The following RBBP8 variants were observed in gnomAD, a reference collection of about 807,000 sequenced individuals.
RBBP8 encodes RB binding protein 8, endonuclease.
Under a neutral mutation model 108.3 loss-of-function variants are expected in RBBP8, and 88 were observed. The ratio of observed to expected loss-of-function variants is 0.81; its 90% CI spans 0.68 to 0.97. The LOEUF is 0.97. RBBP8 is among the 50% of genes least tolerant of loss of function. The probability of loss-of-function intolerance (pLI) is 0.00; values close to 1 mark genes in which losing one functional copy is unlikely to be tolerated. For missense variants in RBBP8, 1,023 were observed against 1,049.0 expected (o/e 0.98, Z 0.34); for synonymous variants, 332 against 348.2 (o/e 0.95, Z 0.52).
intron 1 of RBBP8, among the ~76,000 whole-genome samples, chr18:22,936,376 A>G (rs1004693155): frequency 2.6e-5 from 4 of 152,230 alleles, no homozygotes; most frequent in African/African-American, 7.2e-5. Context: ...AGCTAGGATT[A>G]CAGGCAAGAG....
In RBBP8 at chr18:22,968,879, A is replaced by T. The variant is rs546515687; in HGVS notation, c.322A>T (p.Asn108Tyr). Residue 108 changes from asparagine to tyrosine, a missense_variant, in exon 5 of 19, where the codon AAT (asparagine) becomes TAT (tyrosine). Coordinates refer to ENST00000327155, the MANE Select transcript of RBBP8 (RefSeq NM_002894.3). ...GCGGAAAAAACAGCAAGAGTTTGAA[A>T]ATATCCGGCAGCAGAATCTTAAACT... is the stretch of plus-strand genomic sequence containing the variant. The part of the protein sequence containing the change: ...HMRKKQQEFE[N>Y]IRQQNLKLIT... 6.2e-7 allele frequency: 1 copy of T among 1,613,378 alleles called. No homozygotes were observed. Among genetic ancestry groups the T allele is most frequent in the Admixed American group, 1.7e-5 (1 of 60,022 alleles).
intron 2 of RBBP8, among the ~76,000 whole-genome samples, chr18:22,938,224 C>T (rs532660883): frequency 3.3e-5 from 5 of 152,248 alleles, no homozygotes; most frequent in South Asian, 2.1e-4. Context: ...GTCAAACTCT[C>T]GGGCCCAAGT....
chr18:23,008,078 C>T (rs1442312425), intron 16 of RBBP8, among the ~76,000 whole-genome samples: 2 of 152,128 alleles, frequency 1.3e-5, no homozygotes, highest in Non-Finnish European at 2.9e-5. Context: ...TCCCAAAGTG[C>T]TGGGATTACA....
intron 6 of RBBP8, among the ~76,000 whole-genome samples, chr18:22,975,987 T>C (rs1320015300): frequency 6.6e-6 from 1 of 152,176 alleles, no homozygotes; most frequent in East Asian, 1.9e-4. Flanking sequence ...GCTTATATAC[T>C]ATTTTTGAAA....
In RBBP8 at chr18:23,016,903, C is replaced by A; in HGVS notation, c.2433C>A (p.His811Gln). ...KKEERRKLLG[H>Q]TCKECEIYYA... is the part of the protein sequence containing the mutation. ...AGGAGAGAAGAAAACTGCTTGGGCA[C>A]ACGTGTAAGGAATGTGAAATTGTAA... Residue 811 changes from histidine to glutamine, a missense_variant, in exon 17 of 19, where the codon CAC becomes CAA. His to Gln is a conservative substitution (Grantham distance 24). Transcript: ENST00000327155. 2 of 1,613,280 alleles carry A rather than the reference C, an allele frequency of 1.2e-6. No individual in the cohort carries two copies. The highest frequency in any genetic ancestry group is 1.7e-6 in the Non-Finnish European group (2 of 1,179,444).
intron 4 of RBBP8, among the ~76,000 whole-genome samples, chr18:22,964,299 G>T (rs1247304688): frequency 1.3e-5 from 2 of 150,874 alleles, no homozygotes; most frequent in Non-Finnish European, 3.0e-5. Context: ...TCTTATCTTT[G>T]CAGCATCCAG....
chr18:23,014,278 GTAGT>G (rs1456581068), intron 16 of RBBP8, among the ~76,000 whole-genome samples: 9 of 152,094 alleles, frequency 5.9e-5, no homozygotes, highest in Non-Finnish European at 8.8e-5. Context: ...GGATCAAGTA[GTAGT>G]TTGACTTTCA....
intron 16 of RBBP8, among the ~76,000 whole-genome samples, chr18:23,013,997 T>TTTTA (rs377740021): frequency 0.021 from 3,186 of 152,066 alleles, 103 homozygotes; most frequent in African/African-American, 0.067. Context: ...GAGATGAATT[T>TTTTA]TTTATTTATT....
intron 3 of RBBP8, 49 bp from the exon 4 acceptor site, chr18:22,949,569 T>C: frequency 7.7e-7 from 1 of 1,305,854 alleles, no homozygotes; most frequent in Non-Finnish European, 1.1e-6. Context: ...AGAATTATCC[T>C]GTTAAGAGTA....
chr18:22,981,394 T>C (rs937892790), intron 6 of RBBP8, among the ~76,000 whole-genome samples: 22 of 152,178 alleles, frequency 1.4e-4, no homozygotes, highest in African/African-American at 5.3e-4. Flanking sequence ...ATAACACATT[T>C]GGTTAACAAT....
intron 4 of RBBP8, among the ~76,000 whole-genome samples, chr18:22,964,300 C>T (rs1340292458): frequency 1.3e-5 from 2 of 151,332 alleles, no homozygotes; most frequent in Non-Finnish European, 2.9e-5. Context: ...CTTATCTTTG[C>T]AGCATCCAGA....
At chr18:22,935,386 A>T (rs1178604498) in intron 1 of RBBP8, among the ~76,000 whole-genome samples, 1 of 145,840 alleles carries the variant, frequency 6.9e-6, no homozygotes, top group African/African-American at 2.5e-5. Context: ...AGGCCTTTCT[A>T]AAAAAAAAAC....
At chr18:23,006,987 G>A (rs2046061401) in intron 16 of RBBP8, among the ~76,000 whole-genome samples, 1 of 150,508 alleles carries the variant, frequency 6.6e-6, no homozygotes, top group African/African-American at 2.4e-5. Flanking sequence ...CTCTGCTTTT[G>A]TGTGTGTGCG....
Position 23,023,358 on chromosome 18 carries a change from A to G in RBBP8, c.2596+1088A>G, listed in dbSNP as rs150390476. On this transcript the variant is annotated intron_variant, in intron 18 of 18. Transcript: ENST00000327155. Reference sequence around the variant, plus strand: ...TAAGTGGTATCTGAATAAATAAAAAAGATGTTTATTTGTTAGGTTGTTGAC... The same window carrying G: ...TAAGTGGTATCTGAATAAATAAAAAGGATGTTTATTTGTTAGGTTGTTGAC... 1.2e-3 allele frequency among the ~76,000 whole-genome samples: 176 copies of G among 152,356 alleles called. No homozygotes were observed. The East Asian group carries it at 0.029, about 25-fold the overall frequency.
At chr18:22,937,678 A>G (rs768604097) in intron 2 of RBBP8, among the ~76,000 whole-genome samples, 1 of 151,760 alleles carries the variant, frequency 6.6e-6, no homozygotes, top group Non-Finnish European at 1.5e-5. Context: ...GGGTCTCACT[A>G]TGTTGCCCAG....
intron 6 of RBBP8, among the ~76,000 whole-genome samples, chr18:22,979,375 A>T (rs1338165163): frequency 6.6e-6 from 1 of 152,104 alleles, no homozygotes; most frequent in East Asian, 1.9e-4. Flanking sequence ...AGCTCTAAAG[A>T]TTGTTCCTTG....
intron 2 of RBBP8, among the ~76,000 whole-genome samples, chr18:22,938,071 C>T (rs1910731414): frequency 6.6e-6 from 1 of 152,010 alleles, no homozygotes; most frequent in Non-Finnish European, 1.5e-5. Context: ...AAGCAGTCCA[C>T]TGGCCTCAGC....
intron 4 of RBBP8, among the ~76,000 whole-genome samples, chr18:22,957,857 CTTCATTTTGT>C (rs935933984): frequency 1.3e-5 from 2 of 152,034 alleles, no homozygotes; most frequent in African/African-American, 4.8e-5. Context: ...GGGAATATTG[CTTCATTTTGT>C]TTCATTTTGT....
At chr18:23,016,711 A>T (rs2046260631) in intron 16 of RBBP8, 117 bp from the exon 17 acceptor site, 2 of 800,870 alleles carry the variant, frequency 2.5e-6, no homozygotes, top group Non-Finnish European at 4.2e-6. Flanking sequence ...GTATTTGACG[A>T]AGCAATATTT....
Sources: gnomAD v4.1 joint callset for allele counts (sites outside exome capture counted in the v4.1 genomes callset) on GRCh38, gnomAD v4.1.1 for gene constraint, MANE v1.5 for transcripts, NCBI Gene and HGNC (gene_info 2026-07-23, HGNC 2026-07-21) for gene names.